The following BLMH variants were observed in gnomAD, a reference collection of about 807,000 sequenced individuals.
The protein encoded by BLMH is BLM hydrolase.
BLMH carries 32 observed loss-of-function variants against 61.6 expected under a neutral mutation model. The observed-to-expected ratio is 0.52, with a 90% confidence interval of 0.39 to 0.70. The LOEUF (loss-of-function observed/expected upper bound fraction) is 0.70, where lower values mean the gene tolerates loss of function less well. BLMH is among the 30% of genes least tolerant of loss of function. The pLI is 0.00. For missense variants in BLMH, 460 were observed against 555.5 expected (o/e 0.83, Z 1.73); for synonymous variants, 183 against 193.8 (o/e 0.94, Z 0.46).
chr17:30,260,769 G>A (rs915160769), intron 11 of BLMH, among the ~76,000 whole-genome samples: 1 of 152,162 alleles, frequency 6.6e-6, no homozygotes, highest in African/African-American at 2.4e-5. Flanking sequence ...TGTGATCCCA[G>A]CTACTCAGGA....
At chr17:30,257,138 A>G (rs1907837993) in intron 11 of BLMH, among the ~76,000 whole-genome samples, 1 of 152,234 alleles carries the variant, frequency 6.6e-6, no homozygotes, top group Non-Finnish European at 1.5e-5. Flanking sequence ...AACAAAGCTA[A>G]TATTTATTCG....
At chr17:30,289,237 C>T (rs1908815719) in intron 3 of BLMH, 136 bp downstream of exon 3, 1 of 449,692 alleles carries the variant, frequency 2.2e-6, no homozygotes. Flanking sequence ...ACTTTTGATA[C>T]TCTGGAAGTC....
intron 4 of BLMH, among the ~76,000 whole-genome samples, 168 bp from the exon 5 acceptor site, chr17:30,287,070 G>C (rs1908754143): frequency 6.6e-6 from 1 of 152,078 alleles, no homozygotes. Flanking sequence ...GTTTTTGACA[G>C]AGTTTTGCTC....
At chr17:30,291,578 C>T (rs757667517) in intron 1 of BLMH, 70 bp from the exon 2 acceptor site, 25 of 1,570,738 alleles carry the variant, frequency 1.6e-5, no homozygotes, top group Non-Finnish European at 1.9e-5. Context: ...CTCCCGCGTC[C>T]CGAATCTAAC....
Position 30,289,396 on chromosome 17 carries a change from A to G in BLMH, c.298T>C (p.Ser100Pro), listed in dbSNP as rs1204508275. The G allele has an allele frequency of 1.2e-6, 2 of 1,609,730 alleles. No individual in the cohort carries two copies. The highest frequency in any genetic ancestry group is 1.7e-6 in the Non-Finnish European group (2 of 1,176,608). Residue 100 changes from serine (S) to proline (P), a missense_variant, in exon 3 of 12, where the codon TCT becomes CCT. This residue lies in a region of BLMH where 43 missense variants were observed against 38.8 expected (regional missense o/e 1.11). Coordinates refer to ENST00000261714, the MANE Select transcript of BLMH (RefSeq NM_000386.4). Reference protein sequence around the residue: ...LNIEEFEFSQSYLFFWDKVER... With the variant: ...LNIEEFEFSQPYLFFWDKVER... The stretch of plus-strand genomic sequence containing the variant: ...ACCTTGTCCCAAAAAAACAGGTAAG[A>G]TTGGCTAAACTCAAATTCTTCAATA...
At chr17:30,275,970 G>A (rs1908411601) in intron 6 of BLMH, among the ~76,000 whole-genome samples, 1 of 151,872 alleles carries the variant, frequency 6.6e-6, no homozygotes, top group African/African-American at 2.4e-5. Flanking sequence ...GTATTTGCTA[G>A]GTCCACGTAA....
At chr17:30,255,024 G>A (rs942376255) in intron 11 of BLMH, among the ~76,000 whole-genome samples, 13 of 152,088 alleles carry the variant, frequency 8.5e-5, no homozygotes, top group African/African-American at 2.9e-4. Flanking sequence ...ATCAAAACAC[G>A]TTTAATCAGT....
At chr17:30,276,248 C>T (rs1908421836) in intron 6 of BLMH, among the ~76,000 whole-genome samples, 1 of 152,186 alleles carries the variant, frequency 6.6e-6, no homozygotes, top group Non-Finnish European at 1.5e-5. Flanking sequence ...ATTTCTTAAG[C>T]CTCTCAACAA....
At chr17:30,270,432 G>A (rs1284138550) in intron 10 of BLMH, among the ~76,000 whole-genome samples, 1 of 151,374 alleles carries the variant, frequency 6.6e-6, no homozygotes, top group Non-Finnish European at 1.5e-5. Flanking sequence ...AGCCCCAGAG[G>A]TGGAGGTTGC....
intron 6 of BLMH, among the ~76,000 whole-genome samples, chr17:30,280,400 A>G (rs758197437): frequency 1.3e-5 from 2 of 152,218 alleles, no homozygotes; most frequent in South Asian, 4.1e-4. Flanking sequence ...GTAGTACAGT[A>G]AAGTCTAAAG....
chr17:30,280,786 CT>C lies in BLMH; in HGVS notation c.645+4601del, dbSNP rs201036845. Among the ~76,000 whole-genome samples the C allele has an allele frequency of 4.2e-4, 64 of 152,186 alleles. No individual in the cohort carries two copies. In the East Asian group the frequency reaches 9.5e-3, roughly 22 times the overall value. Reference sequence around the variant, plus strand: ...AGCCACCATGCACAGCCTACCCCAACTTTTTTTAGTTTTACTGATGGAGAAA... The same window carrying C: ...AGCCACCATGCACAGCCTACCCCAACTTTTTTAGTTTTACTGATGGAGAAA... On this transcript the variant is annotated intron_variant, in intron 6 of 11. Transcript: ENST00000261714.
chr17:30,275,741 A>G (rs191000016), intron 6 of BLMH, among the ~76,000 whole-genome samples: 1 of 152,100 alleles, frequency 6.6e-6, no homozygotes, highest in African/African-American at 2.4e-5. Flanking sequence ...CTGCACAAGG[A>G]CAGAATAAAG....
At chr17:30,282,281 T>G (rs903137370) in intron 6 of BLMH, among the ~76,000 whole-genome samples, 12 of 148,620 alleles carry the variant, frequency 8.1e-5, no homozygotes, top group African/African-American at 2.8e-4. Flanking sequence ...TGGACTGCAG[T>G]GGCACAATTT....
chr17:30,291,252 C>A, intron 2 of BLMH, 59 bp downstream of exon 2: 4 of 1,573,420 alleles, frequency 2.5e-6, no homozygotes, highest in Non-Finnish European at 3.5e-6. Flanking sequence ...AAATAAGACA[C>A]CAAAATGGGA....
chr17:30,273,165 ATT>A (rs35833844), intron 7 of BLMH: 2,132 of 192,310 alleles, frequency 0.011, no homozygotes, highest in South Asian at 0.022. Context: ...TCCAAAAGCA[ATT>A]TTTTTTTTTT....
intron 4 of BLMH, among the ~76,000 whole-genome samples, chr17:30,287,369 CTTT>C (rs939589329): frequency 8.5e-5 from 13 of 152,114 alleles, no homozygotes; most frequent in Admixed American, 6.5e-4. Context: ...CTATGTTATC[CTTT>C]TTATCTACTA....
intron 6 of BLMH, among the ~76,000 whole-genome samples, chr17:30,282,602 C>A (rs1254798695): frequency 6.6e-6 from 1 of 152,242 alleles, no homozygotes; most frequent in Non-Finnish European, 1.5e-5. Flanking sequence ...AACTACACAT[C>A]TCCAAAACAG....
At position 30,287,741 on chromosome 17, in the gene BLMH, C is replaced by T. The variant is rs1314590473; in HGVS notation, c.463+65G>A. 3.2e-6 allele frequency: 5 copies of T among 1,575,340 alleles called. No individual in the cohort carries two copies. In the East Asian group the frequency reaches 9.0e-5, roughly 28 times the overall value. ...GTACACAACCACCAAAGAATTGGCC[C>T]ATGCCTAACTACAGGCTTACTTAAT... On this transcript the variant is annotated intron_variant, in intron 4 of 11. Transcript: ENST00000261714.
chr17:30,274,434 A>G (rs1908363901), intron 6 of BLMH, among the ~76,000 whole-genome samples: 2 of 152,210 alleles, frequency 1.3e-5, no homozygotes, highest in Non-Finnish European at 2.9e-5. Flanking sequence ...CTGAAATGTT[A>G]ACATTTAGTG....
Sources: gnomAD v4.1 joint callset for allele counts (sites outside exome capture counted in the v4.1 genomes callset) on GRCh38, gnomAD v4.1.1 for gene constraint, gnomAD v4.1.1 regional missense constraint, MANE v1.5 for transcripts, NCBI Gene and HGNC (gene_info 2026-07-23, HGNC 2026-07-21) for gene names.